Variants in NOVA1 observed in about 807,000 individuals in gnomAD.
The protein encoded by NOVA1 is NOVA alternative splicing regulator 1.
In NOVA1, 7 loss-of-function variants were observed where a neutral mutation model predicts 38.0. The ratio of observed to expected loss-of-function variants is 0.18; its 90% CI spans 0.10 to 0.35. NOVA1 has a LOEUF of 0.35. Among genes scored for constraint, NOVA1 ranks in the 10% least tolerant of loss-of-function variants. The pLI is 1.00. For synonymous variants in NOVA1, 270 were observed against 232.5 expected (o/e 1.16, Z -1.47); for missense variants, 460 against 616.0 (o/e 0.75, Z 2.68).
Position 26,448,859 on chromosome 14 carries a change from G to A in NOVA1, c.624C>T (p.Ser208=), listed in dbSNP as rs1594310410. The change falls in exon 5 of 5, where the codon TCC becomes TCT. Residue 208 remains serine (S), a synonymous_variant. Transcript: ENST00000539517. The surrounding 1 kb of genome is among the most constrained non-coding windows in gnomAD (Gnocchi z 5.3). ...MEQSGAWVQL[S]QKPDGINLQE... ...GCAAGTTGATCCCATCAGGTTTCTGGGAAAGCTGCACCCAAGCCCCTGACT... is the reference window on the plus strand; with the variant it reads ...GCAAGTTGATCCCATCAGGTTTCTGAGAAAGCTGCACCCAAGCCCCTGACT... 4 of 1,613,840 alleles carry A rather than the reference G, an allele frequency of 2.5e-6. No homozygotes were observed. The East Asian group carries it at 6.7e-5, about 27-fold the overall frequency.
intron 2 of NOVA1, among the ~76,000 whole-genome samples, chr14:26,557,095 C>T (rs956676888): frequency 2.0e-5 from 3 of 152,118 alleles, no homozygotes. Flanking sequence ...TATAAGGATA[C>T]CAGTCATAAT....
At chr14:26,594,661 T>TAA (rs1180212080) in intron 2 of NOVA1, 1 of 151,434 alleles carries the variant, frequency 6.6e-6, no homozygotes, top group African/African-American at 2.4e-5. Flanking sequence ...AAGAAAAAAA[T>TAA]AGAAAAAGAT....
chr14:26,451,655 G>A (rs920715977), intron 4 of NOVA1, among the ~76,000 whole-genome samples: 5 of 152,022 alleles, frequency 3.3e-5, no homozygotes, highest in South Asian at 2.1e-4. Context: ...TTACAACCAC[G>A]CCCGGCCAAT....
intron 3 of NOVA1, 58 bp from the exon 4 acceptor site, chr14:26,472,449 T>G: frequency 1.4e-6 from 1 of 702,820 alleles, no homozygotes; most frequent in Non-Finnish European, 2.1e-6. Context: ...AACTGATTAT[T>G]TAAATAAAAC....
intron 2 of NOVA1, among the ~76,000 whole-genome samples, chr14:26,501,085 G>C (rs552532255): frequency 9.9e-5 from 15 of 152,018 alleles, no homozygotes; most frequent in African/African-American, 3.4e-4. Context: ...TTATTTTATA[G>C]AGCATCTTCT....
At chr14:26,501,157 G>T (rs1306831305) in intron 2 of NOVA1, among the ~76,000 whole-genome samples, 1 of 151,954 alleles carries the variant, frequency 6.6e-6, no homozygotes, top group African/African-American at 2.4e-5. Flanking sequence ...TTTTACGAAG[G>T]TAGCAATTCA....
chr14:26,458,809 A>AT (rs1883401033), intron 4 of NOVA1, among the ~76,000 whole-genome samples: 1 of 152,100 alleles, frequency 6.6e-6, no homozygotes, highest in Non-Finnish European at 1.5e-5. Flanking sequence ...CAAATCTAAA[A>AT]TAAATGCTGA....
At position 26,466,201 on chromosome 14, in the gene NOVA1, TGAG is replaced by T. The variant is rs150780655; in HGVS notation, c.519+6116_519+6118del. Among the ~76,000 whole-genome samples the T allele has an allele frequency of 1.3e-3, 205 of 152,032 alleles. 1 individual carries two copies. The highest frequency in any genetic ancestry group is 4.5e-3 in the African/African-American group (186 of 41,448). ...GTCAATGTGGTTGGGCCAACATGAG[TGAG>T]GAGGCCAGTGGCAGGAAATAAAGAG... On this transcript the variant is annotated intron_variant, in intron 4 of 4. Transcript: ENST00000539517.
chr14:26,590,094 T>C (rs1018066818), intron 2 of NOVA1, among the ~76,000 whole-genome samples: 5 of 151,832 alleles, frequency 3.3e-5, no homozygotes, highest in African/African-American at 1.2e-4. Flanking sequence ...ACTGAACAAG[T>C]GACAACTAAC....
At chr14:26,565,118 G>T (rs1892055235) in intron 2 of NOVA1, among the ~76,000 whole-genome samples, 1 of 151,980 alleles carries the variant, frequency 6.6e-6, no homozygotes, top group East Asian at 1.9e-4. Flanking sequence ...CATGCTGAGA[G>T]AATTCACTTT....
At chr14:26,594,192 CT>C (rs1408095669) in intron 2 of NOVA1, 5 of 151,852 alleles carry the variant, frequency 3.3e-5, no homozygotes, top group Admixed American at 3.3e-4. Flanking sequence ...TAATATATTA[CT>C]TTTTAGTTTA....
chr14:26,471,294 C>T (rs1190128310), intron 4 of NOVA1, among the ~76,000 whole-genome samples: 1 of 151,706 alleles, frequency 6.6e-6, no homozygotes, highest in African/African-American at 2.4e-5. Context: ...CAAAATAGTT[C>T]TGATAGTCTT....
At chr14:26,455,800 T>C (rs1346820690) in intron 4 of NOVA1, among the ~76,000 whole-genome samples, 3 of 151,912 alleles carry the variant, frequency 2.0e-5, no homozygotes, top group African/African-American at 7.2e-5. Context: ...ACATAATTAC[T>C]TCACAAAAGA....
chr14:26,464,172 C>T (rs1883930367), intron 4 of NOVA1, among the ~76,000 whole-genome samples: 1 of 152,130 alleles, frequency 6.6e-6, no homozygotes, highest in African/African-American at 2.4e-5. Flanking sequence ...CATATATAGT[C>T]ATGTGCTGCA....
intron 4 of NOVA1, among the ~76,000 whole-genome samples, chr14:26,471,716 T>C (rs1259749325): frequency 1.3e-5 from 2 of 151,956 alleles, no homozygotes; most frequent in African/African-American, 4.8e-5. Flanking sequence ...ACTTGCAAAG[T>C]TTGTCAGCAG....
chr14:26,502,556 T>C (rs1045694071), intron 2 of NOVA1, among the ~76,000 whole-genome samples: 7 of 151,048 alleles, frequency 4.6e-5, no homozygotes, highest in African/African-American at 1.7e-4. Context: ...AAAATGTAAA[T>C]CTAATTACAG....
chr14:26,541,520 T>C (rs1469802518), intron 2 of NOVA1, among the ~76,000 whole-genome samples: 1 of 149,304 alleles, frequency 6.7e-6, no homozygotes, highest in African/African-American at 2.5e-5. Flanking sequence ...TTTAGGAAAT[T>C]ATATTTTTAG....
chr14:26,463,953 T>G, intron 4 of NOVA1, among the ~76,000 whole-genome samples: 1 of 152,344 alleles, frequency 6.6e-6, no homozygotes, highest in Middle Eastern at 3.4e-3. Flanking sequence ...CTCATGTATT[T>G]GTTCATTTAA....
chr14:26,511,416 C>T (rs1047505209), intron 2 of NOVA1, among the ~76,000 whole-genome samples: 13 of 152,084 alleles, frequency 8.5e-5, no homozygotes, highest in Non-Finnish European at 1.6e-4. Flanking sequence ...TATCGTTAAA[C>T]ACTCCTTAGA....
Sources: gnomAD v4.1 joint callset for allele counts (sites outside exome capture counted in the v4.1 genomes callset) on GRCh38, gnomAD v4.1.1 for gene constraint, Gnocchi (gnomAD v3.1) non-coding constraint, MANE v1.5 for transcripts, NCBI Gene and HGNC (gene_info 2026-07-23, HGNC 2026-07-21) for gene names.